Variants in FAM3B observed in about 807,000 individuals in gnomAD.
The protein encoded by FAM3B is protein FAM3B.
Under a neutral mutation model 28.4 loss-of-function variants are expected in FAM3B, and 29 were observed. The ratio of observed to expected loss-of-function variants is 1.02; its 90% CI spans 0.76 to 1.39. The LOEUF (loss-of-function observed/expected upper bound fraction) is 1.39, where lower values mean the gene tolerates loss of function less well. Ranked by LOEUF, FAM3B falls within the 40% of genes most tolerant of loss-of-function variation. The pLI is 0.00. For synonymous variants in FAM3B, 91 were observed against 103.0 expected, an observed-to-expected ratio of 0.88 and a Z score of 0.71; for missense variants, 266 against 293.9, an observed-to-expected ratio of 0.91 and a Z score of 0.69.
At chr21:41,322,845 A>T (rs1350863281) in intron 1 of FAM3B, 78 bp from the exon 2 acceptor site, 9 of 1,611,076 alleles carry the variant, frequency 5.6e-6, no homozygotes, top group Middle Eastern at 1.6e-4. Context: ...ATGAAAAGCC[A>T]CAGGGGGGAT....
At chr21:41,347,922 TG>T (rs1385612498) in intron 6 of FAM3B, among the ~76,000 whole-genome samples, 1 of 152,166 alleles carries the variant, frequency 6.6e-6, no homozygotes, top group African/African-American at 2.4e-5. Flanking sequence ...CTTATTTGTG[TG>T]GTGAATTTCC....
chr21:41,338,355 A>G (rs2088973968), intron 2 of FAM3B, 23 bp from the exon 3 acceptor site: 1 of 1,613,658 alleles, frequency 6.2e-7, no homozygotes. Context: ...GTTAATGGCT[A>G]TATACTTTCT....
chr21:41,353,617 A>G (rs951282632), intron 7 of FAM3B, among the ~76,000 whole-genome samples: 1 of 152,246 alleles, frequency 6.6e-6, no homozygotes, highest in Non-Finnish European at 1.5e-5. Flanking sequence ...ATGGAAAAGA[A>G]TAGACTTGGA....
At chr21:41,317,455 A>G (rs1197517062) in intron 1 of FAM3B, among the ~76,000 whole-genome samples, 1 of 152,108 alleles carries the variant, frequency 6.6e-6, no homozygotes, top group Non-Finnish European at 1.5e-5. Flanking sequence ...CATTATTTTG[A>G]CCAGTCATCG....
chr21:41,345,912 T>G, intron 5 of FAM3B, 176 bp downstream of exon 5: 2 of 530,136 alleles, frequency 3.8e-6, no homozygotes, highest in Non-Finnish European at 6.7e-6. Context: ...ATTGAATTCA[T>G]AGAACATTTG....
chr21:41,316,692 G>A, upstream of FAM3B: 1 of 420,492 alleles, frequency 2.4e-6, no homozygotes, highest in South Asian at 6.6e-5. Context: ...CACCTGCCCC[G>A]CCCACGCCCG....
chr21:41,329,135 T>TCTACTCTCATGGTGATTTTCG (rs1475427673), intron 2 of FAM3B, among the ~76,000 whole-genome samples: 5 of 152,240 alleles, frequency 3.3e-5, no homozygotes, highest in African/African-American at 9.6e-5. Flanking sequence ...ACACTTAAAA[T>TCTACTCTCATGGTGATTTTCG]CTACTCTCAT....
intron 7 of FAM3B, 51 bp from the exon 8 acceptor site, chr21:41,357,057 A>G (rs2089173492): frequency 7.2e-7 from 1 of 1,384,244 alleles, no homozygotes; most frequent in Non-Finnish European, 1.0e-6. Context: ...CTGATTAAAT[A>G]CTTGTTTATT....
rs549321691 is a variant in FAM3B at position 41,338,874 on chromosome 21, G to A, written c.287+373G>A. Among the ~76,000 whole-genome samples, 68 of 152,272 alleles carry A rather than the reference G, an allele frequency of 4.5e-4. 1 individual carries two copies. In the South Asian group the frequency reaches 0.013, roughly 30 times the overall value. ...GTGAAAGGTGTGTGGGGCACGTGGGGGCATGAGAGCCTCAGGGGTGTTCGG... is the reference window on the plus strand; with the variant it reads ...GTGAAAGGTGTGTGGGGCACGTGGGAGCATGAGAGCCTCAGGGGTGTTCGG... On this transcript the variant is annotated intron_variant, in intron 3 of 7. Coordinates refer to ENST00000357985, the MANE Select transcript of FAM3B (RefSeq NM_058186.4).
At chr21:41,339,613 A>G (rs2088985905) in intron 3 of FAM3B, among the ~76,000 whole-genome samples, 1 of 152,232 alleles carries the variant, frequency 6.6e-6, no homozygotes, top group South Asian at 2.1e-4. Context: ...CTTCCCTTAC[A>G]CTGAGAATCT....
intron 2 of FAM3B, among the ~76,000 whole-genome samples, chr21:41,331,076 T>C (rs1281116849): frequency 6.6e-6 from 1 of 152,258 alleles, no homozygotes; most frequent in Non-Finnish European, 1.5e-5. Flanking sequence ...GGGTTTTCTT[T>C]GCTCCACATC....
intron 6 of FAM3B, 43 bp from the exon 7 acceptor site, chr21:41,348,549 C>T (rs751360326): frequency 1.3e-5 from 21 of 1,612,394 alleles, no homozygotes; most frequent in South Asian, 8.8e-5. Context: ...CTCCTCTCCA[C>T]GTCTCCCTGA....
chr21:41,316,830 G>C lies in FAM3B; in HGVS notation c.-50G>C. ...CTGACCCAGGGGCTCCGCTGGCTGC[G>C]GTCGCCTGGGAGCTGCCGCCAGGGC... On this transcript the variant is annotated 5_prime_UTR_variant, in exon 1 of 8. Transcript: ENST00000357985. 7.0e-7 allele frequency: 1 copy of C among 1,427,908 alleles called. No homozygotes were observed. The highest frequency in any genetic ancestry group is 1.4e-5 in the South Asian group (1 of 70,770). The allele number at this position is 1,427,908 out of a possible 1,614,324, so 88.5% of individuals were successfully genotyped here.
At chr21:41,349,915 C>T (rs532503956) in intron 7 of FAM3B, among the ~76,000 whole-genome samples, 10 of 152,064 alleles carry the variant, frequency 6.6e-5, no homozygotes, top group East Asian at 1.9e-4. Flanking sequence ...GAATGTTTCC[C>T]GGGGCCCTGG....
intron 7 of FAM3B, among the ~76,000 whole-genome samples, chr21:41,350,745 C>T (rs2089111160): frequency 1.3e-5 from 2 of 152,206 alleles, no homozygotes; most frequent in Admixed American, 6.5e-5. Context: ...AAAATGGAGG[C>T]CCTGGTTTCA....
chr21:41,316,177 C>A (rs1057216629), upstream of FAM3B, among the ~76,000 whole-genome samples: 3 of 152,200 alleles, frequency 2.0e-5, no homozygotes, highest in South Asian at 4.1e-4. Context: ...CTGCCTGACC[C>A]CCACTCCTGA....
chr21:41,354,267 C>G (rs973751980), intron 7 of FAM3B, among the ~76,000 whole-genome samples: 1 of 152,134 alleles, frequency 6.6e-6, no homozygotes, highest in Non-Finnish European at 1.5e-5. Context: ...ACTATTTGAC[C>G]AGCAATCCCA....
At chr21:41,317,775 C>T (rs2088763557) in intron 1 of FAM3B, among the ~76,000 whole-genome samples, 1 of 152,148 alleles carries the variant, frequency 6.6e-6, no homozygotes, top group Admixed American at 6.6e-5. Context: ...CTGCCAGCAC[C>T]AGCATTCTGG....
chr21:41,329,573 CTTT>C (rs1166660173), intron 2 of FAM3B, among the ~76,000 whole-genome samples: 1 of 143,536 alleles, frequency 7.0e-6, no homozygotes. Flanking sequence ...TTTCTTTTTC[CTTT>C]TTTTTTTTTT....
Sources: allele counts gnomAD v4.1 joint callset (sites outside exome capture counted in the v4.1 genomes callset), GRCh38; gene constraint gnomAD v4.1.1; transcripts MANE v1.5; gene names NCBI Gene and HGNC (gene_info 2026-07-23, HGNC 2026-07-21).